The following PEAK1 variants were observed in gnomAD, a reference collection of about 807,000 sequenced individuals.
PEAK1 encodes the protein pseudopodium enriched atypical kinase 1.
A neutral mutation model predicts 124.7 loss-of-function variants in PEAK1; 54 were observed. The ratio of observed to expected loss-of-function variants is 0.43; its 90% CI spans 0.35 to 0.54. PEAK1 has a LOEUF of 0.54. Among genes scored for constraint, PEAK1 ranks in the 20% least tolerant of loss-of-function variants. The pLI, the probability that PEAK1 is intolerant of heterozygous loss-of-function variation, is 0.01. For synonymous variants in PEAK1, 719 were observed against 760.0 expected (o/e 0.95, Z 0.89); for missense variants, 2,046 against 2,134.5 (o/e 0.96, Z 0.82).
chr15:77,235,864 T>C (rs1234777207), intron 6 of PEAK1, among the ~76,000 whole-genome samples: 1 of 152,144 alleles, frequency 6.6e-6, no homozygotes, highest in Non-Finnish European at 1.5e-5. Context: ...CCAGCATGGC[T>C]AAAAAGGGCC....
At chr15:77,227,796 A>C (rs1027651849) in intron 6 of PEAK1, among the ~76,000 whole-genome samples, 2 of 152,108 alleles carry the variant, frequency 1.3e-5, no homozygotes, top group African/African-American at 2.4e-5. Context: ...CCAGGAGTTC[A>C]AGACCTTCCT....
intron 5 of PEAK1, among the ~76,000 whole-genome samples, chr15:77,253,321 C>A (rs1190496363): frequency 6.7e-6 from 1 of 149,686 alleles, no homozygotes; most frequent in Admixed American, 6.7e-5. Context: ...TTATAATATT[C>A]TTTTGCTAGT....
At chr15:77,321,816 C>A (rs921042089) in intron 2 of PEAK1, among the ~76,000 whole-genome samples, 8 of 152,138 alleles carry the variant, frequency 5.3e-5, no homozygotes, top group African/African-American at 1.9e-4. Flanking sequence ...TTTAATCCAT[C>A]TCAAATTAAC....
At chr15:77,158,481 C>T (rs752301548) in intron 8 of PEAK1, 22 bp downstream of exon 8, 31 of 1,604,696 alleles carry the variant, frequency 1.9e-5, no homozygotes, top group Non-Finnish European at 2.6e-5. Flanking sequence ...TTAAATACTA[C>T]TTATTGGACA....
chr15:77,170,635 T>C (rs1222689093), intron 7 of PEAK1, among the ~76,000 whole-genome samples: 1 of 152,184 alleles, frequency 6.6e-6, no homozygotes, highest in East Asian at 1.9e-4. Flanking sequence ...GGCATAGTTT[T>C]GTAATGAGGT....
At position 77,358,685 on chromosome 15, in the gene PEAK1, C is replaced by A. The variant is rs191464760; in HGVS notation, c.-603+6478G>T. Among the ~76,000 whole-genome samples the A allele has an allele frequency of 1.5e-3, 222 of 152,268 alleles. 1 individual carries two copies. Among genetic ancestry groups the A allele is most frequent in the African/African-American group, 5.2e-3 (216 of 41,546 alleles). On this transcript the variant is annotated intron_variant, in intron 2 of 9. Transcript: ENST00000682557. ...TGAGAGAAACATACACAAACAATCA[C>A]AACATAGTGAAAAAGTACAAAGTGC...
intron 1 of PEAK1, among the ~76,000 whole-genome samples, chr15:77,384,105 A>T (rs1486829455): frequency 6.6e-6 from 1 of 152,002 alleles, no homozygotes. Flanking sequence ...TACCTGAGGG[A>T]GGGTATGGAA....
chr15:77,238,553 T>C (rs370670102), intron 6 of PEAK1, among the ~76,000 whole-genome samples: 1 of 152,316 alleles, frequency 6.6e-6, no homozygotes, highest in African/African-American at 2.4e-5. Flanking sequence ...CTCTCCTTCA[T>C]GATATTAGTT....
At chr15:77,211,155 T>A (rs1356851520) in intron 6 of PEAK1, among the ~76,000 whole-genome samples, 1 of 152,072 alleles carries the variant, frequency 6.6e-6, no homozygotes, top group Non-Finnish European at 1.5e-5. Flanking sequence ...GCAAACTGAG[T>A]AGTTGCAACA....
At chr15:77,386,082 G>A (rs907942341) in intron 1 of PEAK1, among the ~76,000 whole-genome samples, 4 of 152,172 alleles carry the variant, frequency 2.6e-5, no homozygotes, top group African/African-American at 9.7e-5. Context: ...CTCCTGGAAT[G>A]TAAAAATAAT....
rs62008417 is a variant in PEAK1, at chr15:77,229,627, T to C, written c.-115+22740A>G. On this transcript the variant is annotated intron_variant, in intron 6 of 9. Transcript: ENST00000682557. Reference sequence around the variant, plus strand: ...TTTTGTTACATGCATTCCTCTTCTTTAGCTGTTTCTTTCTTTTCTTTCTTT... The same window carrying C: ...TTTTGTTACATGCATTCCTCTTCTTCAGCTGTTTCTTTCTTTTCTTTCTTT... Among the ~76,000 whole-genome samples, 456 of 152,062 alleles carry C rather than the reference T, an allele frequency of 3.0e-3. 3 individuals carry two copies. Among genetic ancestry groups the C allele is most frequent in the South Asian group, 3.3e-3 (16 of 4,820 alleles).
chr15:77,312,260 A>G (rs969205872), intron 2 of PEAK1, among the ~76,000 whole-genome samples: 1 of 152,208 alleles, frequency 6.6e-6, no homozygotes, highest in African/African-American at 2.4e-5. Context: ...ACTGCGACCA[A>G]CTAAGTGACA....
chr15:77,220,414 T>G (rs1016602186), intron 6 of PEAK1, among the ~76,000 whole-genome samples: 1 of 151,684 alleles, frequency 6.6e-6, no homozygotes, highest in African/African-American at 2.4e-5. Context: ...TATCAACATA[T>G]GATTGGAGCT....
chr15:77,390,286 G>GA (rs1038005131), intron 1 of PEAK1, among the ~76,000 whole-genome samples: 41 of 152,132 alleles, frequency 2.7e-4, no homozygotes, highest in African/African-American at 9.9e-4. Flanking sequence ...AGAGGGAGAA[G>GA]AAAAAGAAAG....
intron 6 of PEAK1, among the ~76,000 whole-genome samples, chr15:77,190,109 A>C (rs1391103077): frequency 1.3e-5 from 2 of 152,126 alleles, no homozygotes; most frequent in Non-Finnish European, 2.9e-5. Flanking sequence ...GTCTTGTGTT[A>C]CTTTATGTTT....
At chr15:77,198,865 G>A (rs1193501659) in intron 6 of PEAK1, among the ~76,000 whole-genome samples, 1 of 152,196 alleles carries the variant, frequency 6.6e-6, no homozygotes, top group African/African-American at 2.4e-5. Flanking sequence ...AGAGGCAGCA[G>A]ATAAATTCCT....
In PEAK1 at chr15:77,180,745, A is replaced by C; in HGVS notation, c.1182T>G (p.Asn394Lys). 6.2e-7 allele frequency: 1 copy of C among 1,613,974 alleles called. No individual in the cohort carries two copies. The highest frequency in any genetic ancestry group is 8.5e-7 in the Non-Finnish European group (1 of 1,179,978). ...EPNYESPSSN[N>K]QDKDSSQASK... Reference sequence around the variant, plus strand: ...AAGCCTGTGATGAATCTTTATCCTGATTATTACTAGAGGGACTTTCATAAT... The same window carrying C: ...AAGCCTGTGATGAATCTTTATCCTGCTTATTACTAGAGGGACTTTCATAAT... Residue 394 changes from asparagine to lysine, a missense_variant, in exon 7 of 10, where the codon AAT becomes AAG. Physicochemically the swap from Asn to Lys is moderately conservative, Grantham distance 94. Transcript: ENST00000682557.
downstream of PEAK1, chr15:77,103,215 G>A (rs1215407064): frequency 6.6e-6 from 1 of 152,036 alleles, no homozygotes; most frequent in Non-Finnish European, 1.5e-5. Flanking sequence ...TGCAGTTCAC[G>A]GCTCACTGTG....
At chr15:77,184,774 G>A (rs905207718) in intron 6 of PEAK1, among the ~76,000 whole-genome samples, 4 of 152,262 alleles carry the variant, frequency 2.6e-5, no homozygotes, top group South Asian at 2.1e-4. Context: ...GTGTATGCCC[G>A]TAATCTTAGC....
Sources: allele counts gnomAD v4.1 joint callset (sites outside exome capture counted in the v4.1 genomes callset), GRCh38; gene constraint gnomAD v4.1.1; transcripts MANE v1.5; gene names NCBI Gene and HGNC (gene_info 2026-07-23, HGNC 2026-07-21).